FLT3: variants seen among roughly 807,000 people sequenced by gnomAD.
FLT3 encodes the protein receptor-type tyrosine-protein kinase FLT3.
FLT3 carries 46 observed loss-of-function variants against 126.6 expected under a neutral mutation model. That is an observed-to-expected ratio of 0.36 (90% CI 0.29 to 0.46). FLT3 has a LOEUF of 0.46. Among genes scored for constraint, FLT3 ranks in the 20% least tolerant of loss-of-function variants. FLT3 has a pLI of 1.00. For synonymous variants in FLT3, 404 were observed against 434.4 expected (o/e 0.93, Z 0.87); for missense variants, 1,069 against 1,190.3 (o/e 0.90, Z 1.50).
chr13:28,005,833 T>C (rs1870837304), intron 23 of FLT3, among the ~76,000 whole-genome samples: 2 of 152,246 alleles, frequency 1.3e-5, no homozygotes, highest in Non-Finnish European at 2.9e-5. Context: ...TCTCTTTTGC[T>C]GAGCAAGAAG....
intron 1 of FLT3, among the ~76,000 whole-genome samples, chr13:28,072,262 C>G (rs1391275975): frequency 6.6e-6 from 1 of 151,702 alleles, no homozygotes; most frequent in Non-Finnish European, 1.5e-5. Context: ...AGTATATACA[C>G]ATATACATAC....
chr13:28,090,593 C>T lies in FLT3; in HGVS notation c.43+9875G>A, dbSNP rs149663838. 5.8e-3 allele frequency among the ~76,000 whole-genome samples: 884 copies of T among 152,180 alleles called. 8 individuals are homozygous for T. The highest frequency in any genetic ancestry group is 0.02 in the African/African-American group (833 of 41,524). On this transcript the variant is annotated intron_variant, in intron 1 of 23. Coordinates refer to ENST00000241453, the MANE Select transcript of FLT3 (RefSeq NM_004119.3). ...AGGAGTTCGAGACCAGCCTGGCCAACATGGCAAAGCCCCATCTCTACCAAA... is the reference window on the plus strand; with the variant it reads ...AGGAGTTCGAGACCAGCCTGGCCAATATGGCAAAGCCCCATCTCTACCAAA...
At chr13:28,010,906 G>A (rs972785305) in intron 23 of FLT3, among the ~76,000 whole-genome samples, 1 of 152,142 alleles carries the variant, frequency 6.6e-6, no homozygotes, top group African/African-American at 2.4e-5. Context: ...AAGAGGCTGA[G>A]GCACGATAAT....
intron 17 of FLT3, among the ~76,000 whole-genome samples, chr13:28,026,245 G>A (rs1236866812): frequency 6.6e-6 from 1 of 151,664 alleles, no homozygotes; most frequent in African/African-American, 2.4e-5. Context: ...AGCTACTCGG[G>A]AGGCTGAGGC....
At chr13:28,092,236 C>G (rs1879160426) in intron 1 of FLT3, among the ~76,000 whole-genome samples, 1 of 152,078 alleles carries the variant, frequency 6.6e-6, no homozygotes, top group Non-Finnish European at 1.5e-5. Flanking sequence ...TCCTATCTCC[C>G]TCTCTCCTCC....
intron 23 of FLT3, among the ~76,000 whole-genome samples, chr13:28,004,839 T>A (rs1226625969): frequency 2.0e-5 from 3 of 152,140 alleles, no homozygotes; most frequent in African/African-American, 7.2e-5. Flanking sequence ...CCTAAAACCA[T>A]GCAGAAAAAT....
chr13:28,039,548 CTTTTTT>C (rs10564719), intron 9 of FLT3, among the ~76,000 whole-genome samples: 1 of 120,682 alleles, frequency 8.3e-6, no homozygotes, highest in Admixed American at 8.5e-5. Context: ...TGCAATAAAA[CTTTTTT>C]TTTTTTTTTT....
chr13:28,009,017 C>G (rs776974410), intron 23 of FLT3, among the ~76,000 whole-genome samples: 1 of 151,942 alleles, frequency 6.6e-6, no homozygotes, highest in Non-Finnish European at 1.5e-5. Flanking sequence ...CTCTCCTTTG[C>G]CCATATTGGA....
At chr13:28,091,426 T>G (rs1160420370) in intron 1 of FLT3, among the ~76,000 whole-genome samples, 6 of 150,078 alleles carry the variant, frequency 4.0e-5, no homozygotes, top group Admixed American at 2.0e-4. Flanking sequence ...TTTCACCGTG[T>G]TAGCCAGGAT....
intron 1 of FLT3, among the ~76,000 whole-genome samples, chr13:28,071,583 T>C (rs1877520065): frequency 6.6e-6 from 1 of 152,164 alleles, no homozygotes; most frequent in Non-Finnish European, 1.5e-5. Context: ...TCTCTTCACA[T>C]ATAAGAATGA....
In FLT3 at chr13:28,057,458, C is replaced by T. The variant is rs1185642553; in HGVS notation, c.373G>A (p.Val125Ile). ...ATTTTCAAAATGACCATGGAAACAA[C>T]TCCTCTGCAAAACAGGAAAGAGAAC... is the stretch of plus-strand genomic sequence containing the variant. ...QPHFDLQNRG[V>I]VSMVILKMTE... The change falls in exon 4 of 24, where the codon GTT becomes ATT. Residue 125 changes from valine (V) to isoleucine (I), a missense_variant. Val to Ile is a conservative substitution (Grantham distance 29, BLOSUM62 3). Transcript: ENST00000241453. 7.1e-7 allele frequency: 1 copy of T among 1,407,118 alleles called. No individual in the cohort carries two copies. Among genetic ancestry groups the T allele is most frequent in the Admixed American group, 1.7e-5 (1 of 59,588 alleles). The allele number at this position is 1,407,118 out of a possible 1,614,324, so 87.2% of individuals were successfully genotyped here. A position where few individuals can be genotyped will look rare whatever the true frequency, so the allele number is the denominator to read the frequency against.
chr13:28,087,865 T>A (rs537320680), intron 1 of FLT3, among the ~76,000 whole-genome samples: 1 of 152,332 alleles, frequency 6.6e-6, no homozygotes, highest in South Asian at 2.1e-4. Flanking sequence ...TAATTTGTTA[T>A]ATTTGCTATG....
At chr13:28,022,639 C>A (rs1185536515) in intron 19 of FLT3, among the ~76,000 whole-genome samples, 1 of 151,594 alleles carries the variant, frequency 6.6e-6, no homozygotes, top group Non-Finnish European at 1.5e-5. Context: ...TAGAAGACTG[C>A]AAGAAAAATG....
intron 18 of FLT3, among the ~76,000 whole-genome samples, chr13:28,023,930 T>C (rs776745787): frequency 2.0e-4 from 30 of 151,364 alleles, no homozygotes; most frequent in Non-Finnish European, 1.6e-4. Flanking sequence ...CTCATGCTAA[T>C]TTTTTGTATT....
chr13:28,084,896 A>G (rs542738014), intron 1 of FLT3, among the ~76,000 whole-genome samples: 30 of 144,900 alleles, frequency 2.1e-4, no homozygotes, highest in African/African-American at 7.4e-4. Flanking sequence ...AATGGCGTGA[A>G]CCCGGGAGGC....
chr13:28,100,371 A>G lies in FLT3; in HGVS notation c.43+97T>C. On this transcript the variant is annotated intron_variant, in intron 1 of 23. Transcript: ENST00000241453. The surrounding 1 kb of genome is among the most constrained non-coding windows in gnomAD (Gnocchi z 4.8). ...GAAGGAGCGAGCGCGGGGAGGAGCGAGGCGGCTGGGCCGGAGGAGGCGCGC... is the reference window on the plus strand; with the variant it reads ...GAAGGAGCGAGCGCGGGGAGGAGCGGGGCGGCTGGGCCGGAGGAGGCGCGC... 6 of 837,364 alleles carry G rather than the reference A, an allele frequency of 7.2e-6. No individual in the cohort carries two copies. Among genetic ancestry groups the G allele is most frequent in the Non-Finnish European group, 7.9e-6 (5 of 636,336 alleles). 51.9% of individuals were successfully genotyped at this position (837,364 alleles called of 1,614,324 possible).
intron 1 of FLT3, among the ~76,000 whole-genome samples, chr13:28,091,202 ATTTTCTTTTTTTTT>A (rs1879012607): frequency 2.9e-5 from 1 of 34,144 alleles, no homozygotes; most frequent in Non-Finnish European, 6.2e-5. Flanking sequence ...TTTGGGCCCC[ATTTTCTTTTTTTTT>A]TTTTTTTTTT....
Position 28,097,485 on chromosome 13 carries a change from G to GCTAATTTACCAATAGCTAAGAGT in FLT3, c.43+2982_43+2983insACTCTTAGCTATTGGTAAATTAG, listed in dbSNP as rs548053462. On this transcript the variant is annotated intron_variant, in intron 1 of 23. Coordinates refer to ENST00000241453, the MANE Select transcript of FLT3 (RefSeq NM_004119.3). The stretch of plus-strand genomic sequence containing the variant: ...TACCAATAGCTAAGAGTTACTGAAA[G>GCTAATTTACCAATAGCTAAGAGT]TGCCTTCTTAGTTATAAAAAGTTAA... 4.0e-3 allele frequency among the ~76,000 whole-genome samples: 608 copies of GCTAATTTACCAATAGCTAAGAGT among 152,304 alleles called. 5 individuals carry two copies. Among genetic ancestry groups the GCTAATTTACCAATAGCTAAGAGT allele is most frequent in the Non-Finnish European group, 5.8e-3 (392 of 68,036 alleles).
rs2137673441 is a variant in FLT3 at position 28,033,978 on chromosome 13, T to A, written c.1851A>T (p.Gly617=). 6.2e-7 allele frequency: 1 copy of A among 1,614,154 alleles called. No homozygotes were observed. The highest frequency in any genetic ancestry group is 8.5e-7 in the Non-Finnish European group (1 of 1,179,994). The stretch of plus-strand genomic sequence containing the variant: ...TCATCACTTTTCCAAAAGCACCTGA[T>A]CCTAGTACCTTCCCTGCAAAGACAA... ...RENLEFGKVL[G]SGAFGKVMNA... The change falls in exon 15 of 24, where the codon GGA becomes GGT. Residue 617 remains glycine (G), a synonymous_variant. Coordinates refer to ENST00000241453, the MANE Select transcript of FLT3 (RefSeq NM_004119.3).
Sources: allele counts gnomAD v4.1 joint callset (sites outside exome capture counted in the v4.1 genomes callset), GRCh38; gene constraint gnomAD v4.1.1; non-coding constraint Gnocchi (gnomAD v3.1); transcripts MANE v1.5; gene names NCBI Gene and HGNC (gene_info 2026-07-23, HGNC 2026-07-21).